The following TPP2 variants were observed in gnomAD, a reference collection of about 807,000 sequenced individuals.
TPP2 encodes tripeptidyl-peptidase 2.
TPP2 carries 34 observed loss-of-function variants against 155.9 expected under a neutral mutation model. That is an observed-to-expected ratio of 0.22 (90% CI 0.17 to 0.29). The LOEUF is 0.29. Among genes scored for constraint, TPP2 ranks in the 10% least tolerant of loss-of-function variants. The pLI, the probability that TPP2 is intolerant of heterozygous loss-of-function variation, is 1.00. For synonymous variants in TPP2, 510 were observed against 529.4 expected, an observed-to-expected ratio of 0.96 and a Z score of 0.50; for missense variants, 1,028 against 1,522.3, an observed-to-expected ratio of 0.68 and a Z score of 5.40.
chr13:102,646,257 C>A, intron 19 of TPP2, 37 bp from the exon 20 acceptor site: 2 of 1,533,524 alleles, frequency 1.3e-6, no homozygotes, highest in South Asian at 1.2e-5. Context: ...TCAATGAACT[C>A]TTGAATCAAA....
Position 102,636,352 on chromosome 13 carries a change from T to A in TPP2, c.1638T>A (p.Asp546Glu), listed in dbSNP as rs563552441. The A allele has an allele frequency of 6.2e-7, 1 of 1,613,734 alleles. No individual in the cohort carries two copies. Among genetic ancestry groups the A allele is most frequent in the Admixed American group, 1.7e-5 (1 of 59,948 alleles). ...CTGTTCAGGTGGCTGCACCTTCAGA[T>A]CATGGCGTTGGCATTGAACCTGTAT... ...RDPVQVAAPS[D>E]HGVGIEPVFP... The change falls in exon 13 of 30, where the codon GAT becomes GAA. Residue 546 changes from aspartate to glutamate, a missense_variant. Asp to Glu is a conservative substitution (Grantham distance 45, BLOSUM62 2). This residue lies in a region of TPP2 where 325 missense variants were observed against 463.7 expected (regional missense o/e 0.70). Transcript: ENST00000376052.
At position 102,645,024 on chromosome 13, in the gene TPP2, T is replaced by C. The variant is rs1192534924; in HGVS notation, c.2393+15T>C. The C allele has an allele frequency of 1.2e-6, 2 of 1,608,672 alleles. No individual in the cohort carries two copies. The highest frequency in any genetic ancestry group is 2.7e-5 in the African/African-American group (2 of 74,742). ...CAAACACTGCGGTATCATTCAATGT[T>C]TTAGGAACTACAGATATTGAATATA... On this transcript the variant is annotated intron_variant, in intron 19 of 29. Transcript: ENST00000376052.
intron 5 of TPP2, among the ~76,000 whole-genome samples, chr13:102,619,542 GC>G (rs1881001812): frequency 6.6e-6 from 1 of 152,166 alleles, no homozygotes. Flanking sequence ...ACAAGGTGGG[GC>G]ACACACAGAT....
Position 102,604,975 on chromosome 13 carries a change from G to C in TPP2, c.294+54G>C, listed in dbSNP as rs1001318846. 1.9e-6 allele frequency: 3 copies of C among 1,596,522 alleles called. No homozygotes were observed. In the Admixed American group the frequency reaches 5.5e-5, roughly 29 times the overall value. ...TTTTTTTTTTTACTCTTGCCTCAAA[G>C]CATCTAATGTTTTTACCTTACATTT... On this transcript the variant is annotated intron_variant, in intron 2 of 29. Transcript: ENST00000376052.
At chr13:102,670,236 G>A (rs1884882355) in intron 27 of TPP2, among the ~76,000 whole-genome samples, 1 of 152,110 alleles carries the variant, frequency 6.6e-6, no homozygotes, top group Admixed American at 6.6e-5. Flanking sequence ...AATAACTGAA[G>A]TAGTTTATTG....
At chr13:102,614,702 C>G (rs772981694) in intron 3 of TPP2, among the ~76,000 whole-genome samples, 14 of 152,012 alleles carry the variant, frequency 9.2e-5, no homozygotes, top group Non-Finnish European at 1.6e-4. Context: ...TACCAGTGTG[C>G]CATTAGAAAA....
intron 15 of TPP2, among the ~76,000 whole-genome samples, chr13:102,639,434 T>A (rs533228258): frequency 6.6e-4 from 101 of 152,316 alleles, no homozygotes; most frequent in Admixed American, 5.9e-4. Flanking sequence ...TTCTCAGCCG[T>A]ATATTCCCTC....
chr13:102,640,267 C>T lies in TPP2; in HGVS notation c.1914-3C>T. 6.3e-7 allele frequency: 1 copy of T among 1,579,090 alleles called. No individual in the cohort carries two copies. Among genetic ancestry groups the T allele is most frequent in the Non-Finnish European group, 8.6e-7 (1 of 1,157,354 alleles). On this transcript the variant is annotated splice_region_variant and splice_polypyrimidine_tract_variant and intron_variant, in intron 15 of 29. Transcript: ENST00000376052. ...ACATTTAATTACTTTTATTAATTTT[C>T]AGAGTAAATGAATCATCACATTATG...
intron 3 of TPP2, 44 bp from the exon 4 acceptor site, chr13:102,616,352 G>A (rs772125143): frequency 1.3e-6 from 2 of 1,501,302 alleles, no homozygotes; most frequent in South Asian, 1.2e-5. Flanking sequence ...GTTTACCTGA[G>A]TATTTGTCAG....
At position 102,616,307 on chromosome 13, in the gene TPP2, G is replaced by C. The variant is rs151185324; in HGVS notation, c.391-89G>C. 1,216 of 1,086,906 alleles carry C rather than the reference G, an allele frequency of 1.1e-3. 17 individuals carry two copies. The East Asian group carries it at 0.027, about 24-fold the overall frequency. 67.3% of individuals were successfully genotyped at this position (1,086,906 alleles called of 1,614,324 possible). A position where few individuals can be genotyped will look rare whatever the true frequency, so the allele number is the denominator to read the frequency against. On this transcript the variant is annotated intron_variant, in intron 3 of 29. Coordinates refer to ENST00000376052, the MANE Select transcript of TPP2 (RefSeq NM_001330588.2). ...ATGAGAATTGTGTAGTATCACAACT[G>C]TACCAACAAAGTCCACATATAAATG...
rs1469083107 is a variant in TPP2, at chr13:102,616,451, C to T, written c.446C>T (p.Ala149Val). ...DPVHRVALAE[A>V]CRKQEEFDVA... Reference sequence around the variant, plus strand: ...GTTCACAGAGTGGCCCTTGCAGAAGCCTGTAGAAAACAGGAAGAATTTGAT... The same window carrying T: ...GTTCACAGAGTGGCCCTTGCAGAAGTCTGTAGAAAACAGGAAGAATTTGAT... Residue 149 changes from alanine (A) to valine (V), a missense_variant, in exon 4 of 30, where the codon GCC becomes GTC. By Grantham distance (64) the Ala-to-Val change is moderately conservative. Around this residue, in one of 7 missense-constraint regions of TPP2, gnomAD observed 300 missense variants for 398.3 expected, o/e 0.75. Coordinates refer to ENST00000376052, the MANE Select transcript of TPP2 (RefSeq NM_001330588.2). The T allele has an allele frequency of 6.2e-7, 1 of 1,612,680 alleles. No homozygotes were observed. Among genetic ancestry groups the T allele is most frequent in the East Asian group, 2.2e-5 (1 of 44,828 alleles).
chr13:102,669,043 A>G (rs1884798667), intron 27 of TPP2, among the ~76,000 whole-genome samples: 1 of 152,196 alleles, frequency 6.6e-6, no homozygotes, highest in Admixed American at 6.5e-5. Flanking sequence ...GAACACAAGC[A>G]TGTCTTCTTC....
At chr13:102,629,718 T>C in intron 9 of TPP2, 109 bp downstream of exon 9, 1 of 1,369,526 alleles carries the variant, frequency 7.3e-7, no homozygotes, top group South Asian at 1.7e-5. Context: ...CTGTACACCT[T>C]AAGTGTGTCC....
intron 2 of TPP2, among the ~76,000 whole-genome samples, chr13:102,609,367 A>G (rs932690547): frequency 6.9e-6 from 1 of 145,174 alleles, no homozygotes; most frequent in African/African-American, 2.6e-5. Context: ...CAGGAAAGAG[A>G]GCCAGCAAAG....
chr13:102,599,194 A>G (rs1043307806), intron 1 of TPP2, among the ~76,000 whole-genome samples: 1 of 152,220 alleles, frequency 6.6e-6, no homozygotes, highest in Admixed American at 6.5e-5. Flanking sequence ...ATAGAAGTTT[A>G]TGCTGGATCT....
At chr13:102,606,271 GT>G in intron 2 of TPP2, among the ~76,000 whole-genome samples, 1 of 152,314 alleles carries the variant, frequency 6.6e-6, no homozygotes, top group East Asian at 1.9e-4. Flanking sequence ...AAGTAAGCTT[GT>G]TGTGGCAGCA....
chr13:102,634,097 A>T lies in TPP2; in HGVS notation c.1392A>T (p.Ser464=). The change falls in exon 11 of 30, where the codon TCA becomes TCT. Residue 464 remains serine, a splice_region_variant and synonymous_variant. Transcript: ENST00000376052. The part of the protein sequence containing the change: ...NACGGIALIL[S]GLKANNIDYT... ...GTGGAGGCATTGCCCTGATCCTTTC[A>T]GGTAAGCGTGTTCTTTATTGTCCTT... is the stretch of plus-strand genomic sequence containing the variant. 1 of 1,614,028 alleles carries T rather than the reference A, an allele frequency of 6.2e-7. No homozygotes were observed. Among genetic ancestry groups the T allele is most frequent in the Non-Finnish European group, 8.5e-7 (1 of 1,179,908 alleles).
rs906905283 is a variant in TPP2 at position 102,599,430 on chromosome 13, T to C, written c.165+2227T>C. ...CTTTAACAGATTTATTTTGTAGATA[T>C]ATGTGTACATCATTAAGATTAGAGG... On this transcript the variant is annotated intron_variant, in intron 1 of 29. Transcript: ENST00000376052. Among the ~76,000 whole-genome samples the C allele has an allele frequency of 6.6e-5, 10 of 152,036 alleles. 1 individual carries two copies. The highest frequency in any genetic ancestry group is 2.4e-4 in the African/African-American group (10 of 41,380).
Position 102,610,835 on chromosome 13 carries a change from T to G in TPP2, c.295-3266T>G, listed in dbSNP as rs114515956. Among the ~76,000 whole-genome samples, 411 of 152,356 alleles carry G rather than the reference T, an allele frequency of 2.7e-3. 2 individuals are homozygous for G. The highest frequency in any genetic ancestry group is 9.1e-3 in the African/African-American group (377 of 41,582). Reference sequence around the variant, plus strand: ...CATAAAACACATATATACAGTTTTATGAATAGTATAGCTAACACCATTGTA... The same window carrying G: ...CATAAAACACATATATACAGTTTTAGGAATAGTATAGCTAACACCATTGTA... On this transcript the variant is annotated intron_variant, in intron 2 of 29. Coordinates refer to ENST00000376052, the MANE Select transcript of TPP2 (RefSeq NM_001330588.2).
Sources: gnomAD v4.1 joint callset for allele counts (sites outside exome capture counted in the v4.1 genomes callset) on GRCh38, gnomAD v4.1.1 for gene constraint, gnomAD v4.1.1 regional missense constraint, MANE v1.5 for transcripts, NCBI Gene and HGNC (gene_info 2026-07-23, HGNC 2026-07-21) for gene names.